SPARCL1: variants seen among roughly 807,000 people sequenced by gnomAD.
SPARCL1 encodes the protein SPARC-like protein 1.
In SPARCL1, 52 loss-of-function variants were observed where a neutral mutation model predicts 67.1. The observed-to-expected ratio is 0.78, with a 90% CI of 0.62 to 0.98. The LOEUF (loss-of-function observed/expected upper bound fraction) is 0.98. Ranked by LOEUF, SPARCL1 falls within the 50% of genes least tolerant of loss-of-function variation. The pLI is 0.00. For synonymous variants in SPARCL1, 226 were observed against 267.8 expected (o/e 0.84, Z 1.52); for missense variants, 717 against 782.4 (o/e 0.92, Z 1.00).
intron 10 of SPARCL1, among the ~76,000 whole-genome samples, chr4:87,474,806 A>G (rs575951710): frequency 1.2e-4 from 17 of 144,058 alleles, no homozygotes; most frequent in South Asian, 2.1e-4. Context: ...GAAGTGGCGC[A>G]GTCTCGGCTC....
intron 9 of SPARCL1, among the ~76,000 whole-genome samples, chr4:87,480,030 G>A (rs1298200637): frequency 7.1e-6 from 1 of 141,676 alleles, no homozygotes; most frequent in Non-Finnish European, 1.5e-5. Context: ...CTTCACAGCA[G>A]CTTTTTTTTT....
chr4:87,528,497 C>T lies in SPARCL1; in HGVS notation c.-12+548G>A, dbSNP rs549547753. 6.6e-5 allele frequency: 10 copies of T among 152,138 alleles called. No individual in the cohort carries two copies. In the South Asian group the frequency reaches 1.2e-3, roughly 19 times the overall value. 9.4% of individuals were successfully genotyped at this position (152,138 alleles called of 1,614,324 possible). On this transcript the variant is annotated intron_variant, in intron 1 of 10. Transcript: ENST00000282470. ...AGGGAACCAAGAAAGGGAAAATAAT[C>T]GCAATAACTTAAAAATAATCAAACA...
intron 1 of SPARCL1, among the ~76,000 whole-genome samples, chr4:87,522,815 G>A (rs539700921): frequency 6.6e-6 from 1 of 152,142 alleles, no homozygotes; most frequent in Admixed American, 6.5e-5. Flanking sequence ...TTATTTCAGT[G>A]TATCATTATA....
rs1723860497 is a variant in SPARCL1 at position 87,482,408 on chromosome 4, C to T, written c.1668+16G>A. ...TGTAGACAGACATTGAAGAAGCTAA[C>T]CTGTGGATAACTTACTTTATTTCTC... On this transcript the variant is annotated intron_variant, in intron 8 of 10. Transcript: ENST00000282470. The T allele has an allele frequency of 2.5e-6, 4 of 1,611,554 alleles. No homozygotes were observed. Among genetic ancestry groups the T allele is most frequent in the Non-Finnish European group, 2.5e-6 (3 of 1,179,612 alleles).
At chr4:87,511,346 C>G (rs1188977480) in intron 1 of SPARCL1, among the ~76,000 whole-genome samples, 1 of 151,912 alleles carries the variant, frequency 6.6e-6, no homozygotes, top group African/African-American at 2.4e-5. Context: ...TATTAATTAC[C>G]AAGGTGAAGG....
At chr4:87,510,378 A>G (rs1725297219) in intron 1 of SPARCL1, among the ~76,000 whole-genome samples, 1 of 152,106 alleles carries the variant, frequency 6.6e-6, no homozygotes, top group Non-Finnish European at 1.5e-5. Context: ...GAGAACTTCC[A>G]TTCTCTCCCG....
At chr4:87,480,563 T>C (rs1159047231) in intron 8 of SPARCL1, 43 bp from the exon 9 acceptor site, 19 of 1,556,494 alleles carry the variant, frequency 1.2e-5, no homozygotes, top group Non-Finnish European at 1.6e-5. Context: ...ATCAGACAAA[T>C]GTAATGGACT....
At chr4:87,513,024 G>A (rs1051371369) in intron 1 of SPARCL1, among the ~76,000 whole-genome samples, 1 of 152,130 alleles carries the variant, frequency 6.6e-6, no homozygotes, top group African/African-American at 2.4e-5. Flanking sequence ...TACTATTAAA[G>A]CACATGTGAA....
chr4:87,510,780 G>A (rs1248688453), intron 1 of SPARCL1, among the ~76,000 whole-genome samples: 1 of 152,254 alleles, frequency 6.6e-6, no homozygotes, highest in South Asian at 2.1e-4. Context: ...CCTTGCTGGC[G>A]GAAGGCAGTT....
Position 87,525,779 on chromosome 4 carries a change from C to G in SPARCL1, c.-12+3266G>C, listed in dbSNP as rs536730463. 5.5e-4 allele frequency among the ~76,000 whole-genome samples: 84 copies of G among 152,232 alleles called. 2 individuals are homozygous for G. In the South Asian group the frequency reaches 0.016, roughly 30 times the overall value. ...TCATTTCTAAAGAAGGATTTTAAAGCAGACTAAGAGTTATTTCCCAGAGCA... is the reference window on the plus strand; with the variant it reads ...TCATTTCTAAAGAAGGATTTTAAAGGAGACTAAGAGTTATTTCCCAGAGCA... On this transcript the variant is annotated intron_variant, in intron 1 of 10. Coordinates refer to ENST00000282470, the MANE Select transcript of SPARCL1 (RefSeq NM_004684.6).
chr4:87,492,069 G>C (rs895780810), intron 4 of SPARCL1, among the ~76,000 whole-genome samples: 2 of 151,366 alleles, frequency 1.3e-5, no homozygotes, highest in Non-Finnish European at 2.9e-5. Flanking sequence ...AGTAAGCTGT[G>C]ATTGCATCAC....
At chr4:87,501,734 G>T (rs10020902) in intron 1 of SPARCL1, among the ~76,000 whole-genome samples, 16,722 of 151,988 alleles carry the variant, frequency 0.11, 1,002 homozygotes, top group East Asian at 0.15. Flanking sequence ...AACTCATTAG[G>T]CCCTTTGAAT....
chr4:87,490,531 T>C (rs1343511194), intron 6 of SPARCL1, 138 bp from the exon 7 acceptor site: 6 of 1,071,954 alleles, frequency 5.6e-6, no homozygotes, highest in Non-Finnish European at 8.0e-6. Flanking sequence ...AAAATCGTAA[T>C]TGTTCCATTT....
intron 1 of SPARCL1, among the ~76,000 whole-genome samples, chr4:87,509,748 A>G (rs1328331567): frequency 2.6e-5 from 4 of 152,248 alleles, no homozygotes; most frequent in Non-Finnish European, 2.9e-5. Context: ...CCATAGAGCT[A>G]TAGGGACCCA....
In SPARCL1 at chr4:87,479,507, A is replaced by G; in HGVS notation, c.1889T>C (p.Phe630Ser). 6.2e-7 allele frequency: 1 copy of G among 1,614,128 alleles called. No homozygotes were observed. Among genetic ancestry groups the G allele is most frequent in the Non-Finnish European group, 8.5e-7 (1 of 1,180,024 alleles). Residue 630 changes from phenylalanine to serine, a missense_variant, in exon 10 of 11, where the codon TTC (phenylalanine) becomes TCC (serine). Physicochemically the swap from Phe to Ser is radical, Grantham distance 155 (BLOSUM62 -2). Coordinates refer to ENST00000282470, the MANE Select transcript of SPARCL1 (RefSeq NM_004684.6). ...LVPMEHCITR[F>S]FEECDPNKDK... ...CTTGTTGGGGTCACACTCCTCAAAGAAACGGGTTATGCAGTGTTCCATGGG... is the reference window on the plus strand; with the variant it reads ...CTTGTTGGGGTCACACTCCTCAAAGGAACGGGTTATGCAGTGTTCCATGGG...
chr4:87,474,992 T>C (rs1723527399), intron 10 of SPARCL1, among the ~76,000 whole-genome samples: 1 of 152,190 alleles, frequency 6.6e-6, no homozygotes, highest in Non-Finnish European at 1.5e-5. Context: ...TCCGCCTGCC[T>C]CAGCCTCCCA....
At chr4:87,492,729 A>T (rs1724401948) in intron 4 of SPARCL1, among the ~76,000 whole-genome samples, 1 of 152,214 alleles carries the variant, frequency 6.6e-6, no homozygotes, top group Non-Finnish European at 1.5e-5. Context: ...CAGAGTTCTC[A>T]GTAACTGAGG....
At chr4:87,497,874 C>T (rs1724686842) in intron 2 of SPARCL1, among the ~76,000 whole-genome samples, 1 of 152,178 alleles carries the variant, frequency 6.6e-6, no homozygotes, top group South Asian at 2.1e-4. Flanking sequence ...CCCTCCTGTG[C>T]CTCCCAAGTA....
chr4:87,480,334 G>A (rs759454658), intron 9 of SPARCL1, 38 bp downstream of exon 9: 1 of 1,501,900 alleles, frequency 6.7e-7, no homozygotes, highest in South Asian at 1.4e-5. Context: ...TTTTATCAGA[G>A]AGATAAATCT....
Sources: allele counts gnomAD v4.1 joint callset (sites outside exome capture counted in the v4.1 genomes callset), GRCh38; gene constraint gnomAD v4.1.1; transcripts MANE v1.5; gene names NCBI Gene and HGNC (gene_info 2026-07-23, HGNC 2026-07-21).